LIPJ: variants seen among roughly 807,000 people sequenced by gnomAD.
The protein encoded by LIPJ is lipase family member J.
A neutral mutation model predicts 39.8 loss-of-function variants in LIPJ; 33 were observed. That is an observed-to-expected ratio of 0.83 (90% confidence interval 0.63 to 1.11). The LOEUF (loss-of-function observed/expected upper bound fraction) is 1.11, where lower values mean the gene tolerates loss of function less well. LIPJ is among the 50% of genes least tolerant of loss of function. LIPJ has a pLI of 0.00. For synonymous variants in LIPJ, 128 were observed against 139.2 expected, an observed-to-expected ratio of 0.92 and a Z score of 0.57; for missense variants, 422 against 427.9, an observed-to-expected ratio of 0.99 and a Z score of 0.12.
At chr10:88,607,307 A>G (rs1851696298), downstream of LIPJ, among the ~76,000 whole-genome samples, 1 of 152,222 alleles carries the variant, frequency 6.6e-6, no homozygotes, top group East Asian at 1.9e-4. Context: ...ATGAAGAGTA[A>G]AAACACTTTT....
In LIPJ at chr10:88,596,913, T is replaced by C. The variant is rs75768318; in HGVS notation, c.700T>C (p.Tyr234His). 1.7e-3 allele frequency: 2,694 copies of C among 1,554,034 alleles called. 50 individuals are homozygous for C. In the African/African-American group the frequency reaches 0.034, roughly 20 times the overall value. ...CAATATCTTGTTTATGATGTTTGGATATGACCCAAAAAACTTAAATATGGT... is the reference window on the plus strand; with the variant it reads ...CAATATCTTGTTTATGATGTTTGGACATGACCCAAAAAACTTAAATATGGT... Residue 234 changes from tyrosine to histidine, a missense_variant, in exon 8 of 11, where the codon TAT becomes CAT. By Grantham distance (83) the Tyr-to-His change is moderately conservative. Coordinates refer to ENST00000371939, the Ensembl canonical transcript of LIPJ.
chr10:88,616,497 G>A, the LIPJ span, among the ~76,000 whole-genome samples: 240 of 152,362 alleles, frequency 1.6e-3, 1 homozygote, highest in African/African-American at 5.0e-3. Context: ...GGCGCCGAGC[G>A]CCCTTAACCG....
intron 9 of LIPJ, among the ~76,000 whole-genome samples, 161 bp downstream of exon 9, chr10:88,602,808 G>A (rs1476798334): frequency 6.6e-6 from 1 of 151,960 alleles, no homozygotes; most frequent in East Asian, 1.9e-4. Context: ...ATAAAATATT[G>A]AGGCTGGGCG....
upstream of LIPJ, chr10:88,583,641 A>G (rs2576178): frequency 0.28 from 272,798 of 988,076 alleles, 38,276 homozygotes; most frequent in East Asian, 0.54. Context: ...AGAATTTACC[A>G]GCGATACCAC....
chr10:88,586,271 A>G (rs1850914986), upstream of LIPJ, among the ~76,000 whole-genome samples: 1 of 152,186 alleles, frequency 6.6e-6, no homozygotes, highest in African/African-American at 2.4e-5. Context: ...CACAGTTAAT[A>G]GCATAATGGG....
In LIPJ at chr10:88,590,697, G is replaced by C. The variant is rs1564930847; in HGVS notation, c.9+1G>C. On this transcript the variant is annotated splice_donor_variant, in intron 3 of 10. Coordinates refer to ENST00000371939, the Ensembl canonical transcript of LIPJ. LOFTEE classifies it high-confidence loss of function. ...GAAACCTGAAGCAGATATGAATATT[G>C]TAAGTTGTTAGAAAATAAATCTGGA... 2 of 1,593,564 alleles carry C rather than the reference G, an allele frequency of 1.3e-6. No individual in the cohort carries two copies. The highest frequency in any genetic ancestry group is 8.6e-7 in the Non-Finnish European group (1 of 1,164,658).
chr10:88,585,464 A>AAAAGTTGC (rs1850877622), upstream of LIPJ, among the ~76,000 whole-genome samples: 1 of 152,206 alleles, frequency 6.6e-6, no homozygotes, highest in Non-Finnish European at 1.5e-5. Flanking sequence ...TGTACAACAG[A>AAAAGTTGC]AAAGTTGCTC....
chr10:88,596,438 T>C, intron 7 of LIPJ, 22 bp downstream of exon 7: 2 of 1,469,652 alleles, frequency 1.4e-6, no homozygotes, highest in South Asian at 3.0e-5. Context: ...CTTTATTTTA[T>C]GTCATTGATA....
chr10:88,590,491 T>C, intron 2 of LIPJ, 94 bp from the exon 3 acceptor site: 2 of 471,284 alleles, frequency 4.2e-6, no homozygotes, highest in Non-Finnish European at 7.6e-6. Context: ...AAAACAGTAA[T>C]ATTTCCTACC....
the LIPJ span, among the ~76,000 whole-genome samples, chr10:88,619,876 G>T: frequency 6.6e-6 from 1 of 151,602 alleles, no homozygotes; most frequent in Non-Finnish European, 1.5e-5. Context: ...CAAAAAGCAC[G>T]ATCTATGAAA....
upstream of LIPJ, among the ~76,000 whole-genome samples, chr10:88,584,693 G>A (rs1439023091): frequency 6.6e-6 from 1 of 152,174 alleles, no homozygotes; most frequent in Non-Finnish European, 1.5e-5. Flanking sequence ...GACCTCTTAG[G>A]CTCAAGCTAT....
the LIPJ span, among the ~76,000 whole-genome samples, chr10:88,616,657 ACT>A: frequency 6.6e-6 from 1 of 152,048 alleles, no homozygotes; most frequent in Admixed American, 6.5e-5. Flanking sequence ...GGCCTGGAAG[ACT>A]CTGACGGAGC....
chr10:88,606,977 C>T, downstream of LIPJ: 1 of 1,370,376 alleles, frequency 7.3e-7, no homozygotes, highest in Non-Finnish European at 9.5e-7. Flanking sequence ...TTTTTTTTTA[C>T]CTGTGTATGT....
chr10:88,613,666 G>A, the LIPJ span, among the ~76,000 whole-genome samples: 1 of 150,258 alleles, frequency 6.7e-6, no homozygotes, highest in Non-Finnish European at 1.5e-5. Flanking sequence ...ATTAGTGATT[G>A]CCAGGGAGTA....
chr10:88,607,135 T>C (rs1310655578), downstream of LIPJ, among the ~76,000 whole-genome samples: 1 of 152,144 alleles, frequency 6.6e-6, no homozygotes, highest in Non-Finnish European at 1.5e-5. Flanking sequence ...AGTTTCAAAA[T>C]AGAATTTACA....
chr10:88,593,900 A>T, intron 4 of LIPJ, 46 bp from the exon 5 acceptor site: 1 of 1,497,088 alleles, frequency 6.7e-7, no homozygotes, highest in Non-Finnish European at 9.1e-7. Flanking sequence ...ATTTTCATAT[A>T]GATAACTACA....
At chr10:88,604,611 AAG>A (rs1851600706) in intron 9 of LIPJ, among the ~76,000 whole-genome samples, 1 of 152,170 alleles carries the variant, frequency 6.6e-6, no homozygotes, top group Non-Finnish European at 1.5e-5. Context: ...GTGAGTGAGA[AAG>A]AGAGTCTTGG....
At chr10:88,610,902 A>G (rs1851742576), downstream of LIPJ, among the ~76,000 whole-genome samples, 1 of 152,236 alleles carries the variant, frequency 6.6e-6, no homozygotes, top group South Asian at 2.1e-4. Context: ...TAAAATCTTA[A>G]ACTATAAAAC....
At chr10:88,595,893 G>C (rs974927399) in intron 6 of LIPJ, among the ~76,000 whole-genome samples, 2 of 151,436 alleles carry the variant, frequency 1.3e-5, no homozygotes, top group African/African-American at 4.8e-5. Context: ...ATATTAAAAT[G>C]ATGGGACATT....
Sources: gnomAD v4.1 joint callset for allele counts (sites outside exome capture counted in the v4.1 genomes callset) on GRCh38, gnomAD v4.1.1 for gene constraint, MANE v1.5 for transcripts, NCBI Gene and HGNC (gene_info 2026-07-23, HGNC 2026-07-21) for gene names.